ROBO2: variants seen among roughly 807,000 people sequenced by gnomAD.
ROBO2 encodes the protein roundabout homolog 2.
A neutral mutation model predicts 160.8 loss-of-function variants in ROBO2; 53 were observed. The ratio of observed to expected loss-of-function variants is 0.33; its 90% CI spans 0.26 to 0.41. ROBO2 has a LOEUF of 0.41. Ranked by LOEUF, ROBO2 falls within the 10% of genes least tolerant of loss-of-function variation. The pLI is 1.00. For synonymous variants in ROBO2, 664 were observed against 611.7 expected, an observed-to-expected ratio of 1.09 and a Z score of -1.26; for missense variants, 1,577 against 1,722.4, an observed-to-expected ratio of 0.92 and a Z score of 1.49.
chr3:76,804,031 G>A (rs770909229), intron 2 of ROBO2, among the ~76,000 whole-genome samples: 25 of 152,318 alleles, frequency 1.6e-4, no homozygotes, highest in East Asian at 5.8e-4. Flanking sequence ...CGAGGCTTAC[G>A]GAAATTTCAT....
chr3:77,426,257 G>A (rs1349986808), intron 2 of ROBO2, among the ~76,000 whole-genome samples: 1 of 152,038 alleles, frequency 6.6e-6, no homozygotes, highest in Non-Finnish European at 1.5e-5. Flanking sequence ...ATGATGTGTG[G>A]GAAAGACTGA....
intron 1 of ROBO2, among the ~76,000 whole-genome samples, chr3:75,926,291 T>C (rs781273754): frequency 4.4e-4 from 67 of 152,334 alleles, no homozygotes; most frequent in South Asian, 1.0e-3. Context: ...GCAGGTTTGT[T>C]ACAGAGGTGA....
At chr3:77,348,147 C>T (rs1022496326) in intron 2 of ROBO2, among the ~76,000 whole-genome samples, 6 of 152,086 alleles carry the variant, frequency 3.9e-5, no homozygotes, top group Middle Eastern at 6.8e-3. Context: ...TGAGCAAGAA[C>T]GAATTCAGGG....
intron 2 of ROBO2, among the ~76,000 whole-genome samples, chr3:76,917,955 C>T (rs1018034540): frequency 2.6e-5 from 4 of 152,072 alleles, no homozygotes; most frequent in Admixed American, 1.3e-4. Context: ...ATCCCTATTA[C>T]CTATTTATTT....
intron 2 of ROBO2, among the ~76,000 whole-genome samples, chr3:76,401,882 T>TG (rs2077842534): frequency 6.6e-6 from 1 of 151,508 alleles, no homozygotes; most frequent in South Asian, 2.1e-4. Context: ...GTAAAATAAG[T>TG]GAATTCATCA....
At chr3:76,169,930 G>A (rs2072979703) in intron 2 of ROBO2, among the ~76,000 whole-genome samples, 1 of 151,998 alleles carries the variant, frequency 6.6e-6, no homozygotes, top group Non-Finnish European at 1.5e-5. Flanking sequence ...ACAGGCGCCC[G>A]CCACCATGCG....
chr3:77,046,245 T>C (rs9863592), intron 1 of ROBO2, among the ~76,000 whole-genome samples: 27 of 152,198 alleles, frequency 1.8e-4, no homozygotes, highest in African/African-American at 6.3e-4. Context: ...TTTTAATTGA[T>C]CATGGAAAGA....
intron 2 of ROBO2, among the ~76,000 whole-genome samples, chr3:77,321,347 T>C (rs948310435): frequency 2.6e-5 from 4 of 151,966 alleles, no homozygotes; most frequent in African/African-American, 9.7e-5. Flanking sequence ...GGAGACCCCA[T>C]CTCCACAAAA....
chr3:76,006,303 A>T (rs2066018076), intron 2 of ROBO2, among the ~76,000 whole-genome samples: 1 of 152,170 alleles, frequency 6.6e-6, no homozygotes, highest in South Asian at 2.1e-4. Flanking sequence ...TGAAATAAGT[A>T]ATACTGGATA....
chr3:76,215,076 C>T lies in ROBO2; in HGVS notation c.109+277474C>T, dbSNP rs182675941. 3.5e-3 allele frequency among the ~76,000 whole-genome samples: 527 copies of T among 152,262 alleles called. 4 individuals are homozygous for T. The highest frequency in any genetic ancestry group is 0.012 in the African/African-American group (499 of 41,544). On this transcript the variant is annotated intron_variant, in intron 2 of 26. Transcript: ENST00000487694. ...GGGTCTGGAGTGGACCTCCAGCAAA[C>T]TCCAACAGACCTGCAGCTGAGGGTC...
chr3:76,396,443 A>G (rs1010456358), intron 2 of ROBO2, among the ~76,000 whole-genome samples: 74 of 152,282 alleles, frequency 4.9e-4, no homozygotes, highest in African/African-American at 1.7e-3. Context: ...CACCACTCCT[A>G]TTCAACATAG....
intron 2 of ROBO2, among the ~76,000 whole-genome samples, chr3:77,225,858 T>C (rs1055249432): frequency 1.3e-5 from 2 of 152,042 alleles, no homozygotes; most frequent in Non-Finnish European, 2.9e-5. Flanking sequence ...AATTTGTACA[T>C]ATGACTTCCT....
intron 2 of ROBO2, among the ~76,000 whole-genome samples, chr3:76,447,327 C>G (rs1330495414): frequency 1.3e-5 from 2 of 151,980 alleles, no homozygotes; most frequent in African/African-American, 4.8e-5. Flanking sequence ...AAATGCAAAT[C>G]AAAACCACAA....
intron 2 of ROBO2, among the ~76,000 whole-genome samples, chr3:77,131,684 T>G (rs1301833236): frequency 1.3e-5 from 2 of 152,118 alleles, no homozygotes; most frequent in African/African-American, 4.8e-5. Context: ...TTCTTTACAT[T>G]AAAAAAACCT....
chr3:77,527,921 T>C (rs1387155863), intron 6 of ROBO2, among the ~76,000 whole-genome samples: 3 of 151,592 alleles, frequency 2.0e-5, no homozygotes, highest in Non-Finnish European at 4.4e-5. Context: ...CAAAATTAAG[T>C]AAAATGTTTT....
chr3:75,930,807 T>C (rs746564825), intron 1 of ROBO2, among the ~76,000 whole-genome samples: 6 of 152,206 alleles, frequency 3.9e-5, no homozygotes, highest in African/African-American at 4.8e-5. Flanking sequence ...GTTCCAAATA[T>C]ATCTGTAATT....
intron 2 of ROBO2, among the ~76,000 whole-genome samples, chr3:76,792,330 G>A (rs2063412987): frequency 6.6e-6 from 1 of 151,792 alleles, no homozygotes; most frequent in Non-Finnish European, 1.5e-5. Flanking sequence ...TATATTGAAT[G>A]TTTCTATTTT....
chr3:77,233,734 T>C (rs1031814615), intron 2 of ROBO2, among the ~76,000 whole-genome samples: 2 of 152,212 alleles, frequency 1.3e-5, no homozygotes, highest in African/African-American at 4.8e-5. Context: ...ATACTGATGT[T>C]TATATCAATT....
At chr3:77,023,512 C>T (rs932493773) in intron 2 of ROBO2, among the ~76,000 whole-genome samples, 1 of 152,090 alleles carries the variant, frequency 6.6e-6, no homozygotes, top group Non-Finnish European at 1.5e-5. Context: ...GCTCCAAAAG[C>T]TTATAATAAT....
Sources: allele counts gnomAD v4.1 joint callset (sites outside exome capture counted in the v4.1 genomes callset), GRCh38; gene constraint gnomAD v4.1.1; transcripts MANE v1.5; gene names NCBI Gene and HGNC (gene_info 2026-07-23, HGNC 2026-07-21).